The following ACOXL variants were observed in gnomAD, a reference collection of about 807,000 sequenced individuals.
ACOXL encodes acyl-CoA oxidase like.
ACOXL carries 70 observed loss-of-function variants against 71.9 expected under a neutral mutation model. The observed-to-expected ratio is 0.97, with a 90% confidence interval of 0.80 to 1.19. ACOXL has a LOEUF of 1.19. Among genes scored for constraint, ACOXL ranks in the 50% most tolerant of loss-of-function variants. The probability of loss-of-function intolerance (pLI) is 0.00; values close to 1 mark genes in which losing one functional copy is unlikely to be tolerated. For missense variants in ACOXL, 703 were observed against 736.3 expected (o/e 0.95, Z 0.52); for synonymous variants, 253 against 281.6 (o/e 0.90, Z 1.02).
intron 2 of ACOXL, among the ~76,000 whole-genome samples, chr2:110,779,909 G>C (rs1376466382): frequency 6.6e-6 from 1 of 152,180 alleles, no homozygotes; most frequent in African/African-American, 2.4e-5. Context: ...TCTTAGAGGA[G>C]ACTCAAAAAT....
chr2:110,795,453 C>CCCAGGAA (rs928174984), intron 5 of ACOXL: 3 of 152,338 alleles, frequency 2.0e-5, no homozygotes, highest in Non-Finnish European at 2.9e-5. Flanking sequence ...CAGCAACAGT[C>CCCAGGAA]CCAGGAACGC....
At chr2:110,943,391 G>A (rs1483421219) in intron 12 of ACOXL, among the ~76,000 whole-genome samples, 1 of 152,170 alleles carries the variant, frequency 6.6e-6, no homozygotes, top group Non-Finnish European at 1.5e-5. Flanking sequence ...GAGGCTCTGA[G>A]CAATTGGGTG....
chr2:110,903,004 C>T lies in ACOXL; in HGVS notation c.789-5785C>T, dbSNP rs79773256. Among the ~76,000 whole-genome samples, 154 of 152,320 alleles carry T rather than the reference C, an allele frequency of 1.0e-3. 1 individual carries two copies. Among genetic ancestry groups the T allele is most frequent in the East Asian group, 5.4e-3 (28 of 5,176 alleles). ...TTATCTACAGAGGTCAGCACCTTGA[C>T]GGTGGAGGAGGTTTTGTTCCTCCTT... On this transcript the variant is annotated intron_variant, in intron 10 of 17. Transcript: ENST00000439055.
chr2:110,933,779 AC>A, intron 12 of ACOXL, 137 bp downstream of exon 12: 1 of 1,103,714 alleles, frequency 9.1e-7, no homozygotes, highest in Non-Finnish European at 1.2e-6. Context: ...TTCCTTCCTT[AC>A]CAGCCTCATA....
chr2:110,735,182 A>T (rs992384285), intron 1 of ACOXL, among the ~76,000 whole-genome samples: 2 of 152,212 alleles, frequency 1.3e-5, no homozygotes, highest in Admixed American at 6.5e-5. Context: ...ATCTATTTGA[A>T]AGTTCATATT....
intron 2 of ACOXL, among the ~76,000 whole-genome samples, chr2:110,769,670 C>T (rs1244650569): frequency 6.6e-6 from 1 of 151,762 alleles, no homozygotes; most frequent in African/African-American, 2.4e-5. Context: ...CAAAACAAAA[C>T]AAAACAAAAC....
At chr2:110,835,955 C>T (rs1690408089) in intron 9 of ACOXL, among the ~76,000 whole-genome samples, 1 of 152,178 alleles carries the variant, frequency 6.6e-6, no homozygotes, top group Admixed American at 6.5e-5. Context: ...GTAACATTAT[C>T]CTCATTTCAC....
At chr2:110,890,769 T>A (rs1015674116) in intron 10 of ACOXL, among the ~76,000 whole-genome samples, 4 of 152,206 alleles carry the variant, frequency 2.6e-5, no homozygotes, top group Non-Finnish European at 5.9e-5. Context: ...ATTCTTTTTT[T>A]TCAAGATTGC....
In ACOXL at chr2:111,036,260, C is replaced by T. The variant is rs1246358544; in HGVS notation, c.1369+4546C>T. 3.3e-5 allele frequency among the ~76,000 whole-genome samples: 5 copies of T among 152,186 alleles called. No individual in the cohort carries two copies. The East Asian group carries it at 9.6e-4, about 29-fold the overall frequency. On this transcript the variant is annotated intron_variant, in intron 15 of 17. Coordinates refer to ENST00000439055, the MANE Select transcript of ACOXL (RefSeq NM_001142807.4). The stretch of plus-strand genomic sequence containing the variant: ...GACACCTGTGTGCCTTCCTCTCCCC[C>T]AGTACCCATCTGCTGGTGTGTCTAA...
At chr2:110,750,770 CAG>C (rs1678839102) in intron 1 of ACOXL, among the ~76,000 whole-genome samples, 1 of 151,610 alleles carries the variant, frequency 6.6e-6, no homozygotes, top group Non-Finnish European at 1.5e-5. Flanking sequence ...AATCCTGGCT[CAG>C]TGCAGCCTTG....
intron 14 of ACOXL, among the ~76,000 whole-genome samples, chr2:111,003,162 A>C (rs1375321101): frequency 1.3e-5 from 2 of 152,222 alleles, no homozygotes; most frequent in African/African-American, 4.8e-5. Flanking sequence ...TGATTTCAAG[A>C]GAAGAAAACA....
intron 12 of ACOXL, chr2:110,968,256 C>G (rs1417806704): frequency 5.3e-6 from 6 of 1,138,706 alleles, no homozygotes; most frequent in Non-Finnish European, 6.6e-6. Flanking sequence ...AGCCAAGTGC[C>G]TTTACCTGCT....
At chr2:111,109,599 T>G (rs914862474) in intron 17 of ACOXL, among the ~76,000 whole-genome samples, 2 of 152,060 alleles carry the variant, frequency 1.3e-5, no homozygotes, top group Non-Finnish European at 2.9e-5. Flanking sequence ...TTTCCTTTCA[T>G]TCTTTCTTAG....
chr2:110,902,121 T>A (rs2059260119), intron 10 of ACOXL, among the ~76,000 whole-genome samples: 1 of 152,140 alleles, frequency 6.6e-6, no homozygotes, highest in African/African-American at 2.4e-5. Context: ...AGCTGATGTT[T>A]CAGTGTAGGA....
intron 9 of ACOXL, among the ~76,000 whole-genome samples, chr2:110,815,243 A>G (rs1207022448): frequency 6.6e-6 from 1 of 152,192 alleles, no homozygotes; most frequent in East Asian, 1.9e-4. Flanking sequence ...CCGTGATTCA[A>G]TTACTTCCCA....
At chr2:110,787,834 A>G (rs1025175933) in intron 3 of ACOXL, among the ~76,000 whole-genome samples, 11 of 152,086 alleles carry the variant, frequency 7.2e-5, no homozygotes, top group African/African-American at 2.7e-4. Flanking sequence ...TCCCGCAGGG[A>G]TGCCCCTCTC....
intron 16 of ACOXL, among the ~76,000 whole-genome samples, chr2:111,073,812 G>A (rs911330799): frequency 1.3e-5 from 2 of 152,046 alleles, no homozygotes; most frequent in African/African-American, 4.8e-5. Context: ...TGGTGATTTT[G>A]ATTGGAATTA....
intron 10 of ACOXL, among the ~76,000 whole-genome samples, chr2:110,856,518 A>G (rs138271284): frequency 2.0e-5 from 3 of 152,260 alleles, no homozygotes; most frequent in African/African-American, 2.4e-5. Flanking sequence ...TCTCGACTTC[A>G]TAAGAAAAGA....
chr2:110,770,136 C>T (rs929174630), intron 2 of ACOXL, among the ~76,000 whole-genome samples: 2 of 152,168 alleles, frequency 1.3e-5, no homozygotes, highest in Admixed American at 6.5e-5. Flanking sequence ...TGCAGCTCAG[C>T]GGCATGCTGA....
Sources: gnomAD v4.1 joint callset for allele counts (sites outside exome capture counted in the v4.1 genomes callset) on GRCh38, gnomAD v4.1.1 for gene constraint, MANE v1.5 for transcripts, NCBI Gene and HGNC (gene_info 2026-07-23, HGNC 2026-07-21) for gene names.